The following GRM5 variants were observed in gnomAD, a reference collection of about 807,000 sequenced individuals.
GRM5 encodes the protein glutamate metabotropic receptor 5.
A neutral mutation model predicts 83.1 loss-of-function variants in GRM5; 19 were observed. The observed-to-expected ratio is 0.23, with a 90% CI of 0.16 to 0.34. The LOEUF is 0.34. GRM5 is among the 10% of genes least tolerant of loss of function. GRM5 has a pLI of 1.00. For synonymous variants in GRM5, 675 were observed against 633.6 expected (o/e 1.07, Z -0.98); for missense variants, 1,160 against 1,588.3 (o/e 0.73, Z 4.58).
At position 88,968,334 on chromosome 11, in the gene GRM5, C is replaced by A. The variant is rs1177879718; in HGVS notation, c.661+78878G>T. ...CGTGAAATGTACAGAATAGGCAAAT[C>A]TAGAGAGACAGAAAGTAGAATAGTG... On this transcript the variant is annotated intron_variant, in intron 2 of 9. Transcript: ENST00000305447. Among the ~76,000 whole-genome samples the A allele has an allele frequency of 2.0e-5, 3 of 152,016 alleles. No homozygotes were observed. In the East Asian group the frequency reaches 5.8e-4, roughly 29 times the overall value.
intron 1 of GRM5, 73 bp from the exon 2 acceptor site, chr11:89,048,145 T>C: frequency 2.8e-6 from 1 of 357,742 alleles, no homozygotes; most frequent in Non-Finnish European, 5.1e-6. Context: ...CTATAATCCA[T>C]GTTAGCAGAG....
intron 3 of GRM5, among the ~76,000 whole-genome samples, chr11:88,757,438 CTCACCCCCACCAATGCTGTGCT>C (rs1942417769): frequency 6.6e-6 from 1 of 152,140 alleles, no homozygotes; most frequent in African/African-American, 2.4e-5. Flanking sequence ...GCCTGCCAGC[CTCACCCCCACCAATGCTGTGCT>C]CCTGCAACAA....
intron 3 of GRM5, among the ~76,000 whole-genome samples, chr11:88,820,641 C>T (rs1943773059): frequency 6.6e-6 from 1 of 152,106 alleles, no homozygotes; most frequent in African/African-American, 2.4e-5. Context: ...ATGCAGAAAA[C>T]ATTTTTTAAT....
At chr11:88,837,184 T>C (rs1034595022) in intron 3 of GRM5, among the ~76,000 whole-genome samples, 2 of 152,182 alleles carry the variant, frequency 1.3e-5, no homozygotes, top group African/African-American at 4.8e-5. Context: ...ATCTTGAAAA[T>C]AGAGAAAAAC....
chr11:88,671,118 C>T lies in GRM5; in HGVS notation c.912-17715G>A, dbSNP rs558025268. Among the ~76,000 whole-genome samples, 222 of 151,804 alleles carry T rather than the reference C, an allele frequency of 1.5e-3. 2 individuals carry two copies. The South Asian group carries it at 0.023, about 16-fold the overall frequency. On this transcript the variant is annotated intron_variant, in intron 3 of 9. Transcript: ENST00000305447. ...ATCAGCTTAGTGGGTAAGGTCAGCA[C>T]GACCATAAACCAAAAATAACATCTC... is the stretch of plus-strand genomic sequence containing the variant.
chr11:88,732,182 G>A (rs1941821060), intron 3 of GRM5, among the ~76,000 whole-genome samples: 2 of 151,952 alleles, frequency 1.3e-5, no homozygotes, highest in African/African-American at 4.8e-5. Flanking sequence ...TTGTTGAAAT[G>A]TAGTCTCCTG....
At chr11:88,756,997 C>T (rs1182907900) in intron 3 of GRM5, among the ~76,000 whole-genome samples, 1 of 152,110 alleles carries the variant, frequency 6.6e-6, no homozygotes, top group South Asian at 2.1e-4. Flanking sequence ...TAAAATCAAA[C>T]TTTTTAAAGA....
intron 3 of GRM5, among the ~76,000 whole-genome samples, chr11:88,804,702 T>C (rs958786793): frequency 2.6e-5 from 4 of 151,560 alleles, no homozygotes; most frequent in African/African-American, 9.7e-5. Flanking sequence ...TAAAATAAAA[T>C]AAAAAAACAA....
intron 2 of GRM5, among the ~76,000 whole-genome samples, chr11:89,017,305 A>T (rs1276520278): frequency 6.6e-6 from 1 of 152,180 alleles, no homozygotes; most frequent in African/African-American, 2.4e-5. Context: ...TGTTAATACT[A>T]GTTTATGCCC....
Position 88,508,807 on chromosome 11 carries a change from C to G in GRM5, c.3424G>C (p.Glu1142Gln), listed in dbSNP as rs1941258228. The change falls in exon 10 of 10, where the codon GAG (glutamate) becomes CAG (glutamine). Residue 1142 changes from glutamate to glutamine, a missense_variant. Physicochemically the swap from Glu to Gln is conservative, Grantham distance 29. This residue lies in a region of GRM5 where 562 missense variants were observed against 532.4 expected (regional missense o/e 1.06). Transcript: ENST00000305447. This position sits in a 1 kb window ranked among gnomAD's most constrained non-coding sequence, Gnocchi z 4.2. Reference sequence around the variant, plus strand: ...GCCTCGGGACCGGCCGCGGGGCTCTCCCGGGCCGCGTCCCCAGCCGCCTGC... The same window carrying G: ...GCCTCGGGACCGGCCGCGGGGCTCTGCCGGGCCGCGTCCCCAGCCGCCTGC... The part of the protein sequence containing the change: ...GAQAAGDAAR[E>Q]SPAAGPEAAA... The G allele has an allele frequency of 2.0e-6, 3 of 1,521,326 alleles. No individual in the cohort carries two copies. Among genetic ancestry groups the G allele is most frequent in the Middle Eastern group, 1.7e-4 (1 of 5,848 alleles). 94.2% of individuals were successfully genotyped at this position (1,521,326 alleles called of 1,614,324 possible).
intron 8 of GRM5, among the ~76,000 whole-genome samples, chr11:88,530,691 A>G (rs774075974): frequency 7.2e-5 from 11 of 152,244 alleles, no homozygotes; most frequent in African/African-American, 1.2e-4. Context: ...TATATTGGCT[A>G]TGTGATTCAG....
At chr11:88,954,648 T>A (rs1216035075) in intron 2 of GRM5, among the ~76,000 whole-genome samples, 4 of 152,214 alleles carry the variant, frequency 2.6e-5, no homozygotes, top group African/African-American at 9.6e-5. Flanking sequence ...ACTGCATTTT[T>A]AATTTATTTA....
chr11:88,653,485 T>G, intron 3 of GRM5, 82 bp from the exon 4 acceptor site: 1 of 892,746 alleles, frequency 1.1e-6, no homozygotes. Context: ...TTTGACAAGA[T>G]TAGTCATTAA....
At chr11:88,584,779 G>A (rs1943281457) in intron 7 of GRM5, among the ~76,000 whole-genome samples, 1 of 152,078 alleles carries the variant, frequency 6.6e-6, no homozygotes, top group Admixed American at 6.5e-5. Context: ...AATATTCCTG[G>A]AGATAATCAC....
intron 1 of GRM5, among the ~76,000 whole-genome samples, chr11:89,064,267 C>T (rs1271532364): frequency 2.0e-5 from 3 of 152,160 alleles, no homozygotes; most frequent in Admixed American, 2.0e-4. Flanking sequence ...TTGTTCACAA[C>T]GTGCAGGTTT....
intron 3 of GRM5, among the ~76,000 whole-genome samples, chr11:88,791,356 A>G (rs997332665): frequency 6.6e-6 from 1 of 152,112 alleles, no homozygotes; most frequent in Non-Finnish European, 1.5e-5. Flanking sequence ...ATTTAGGAAA[A>G]CATAAGATGC....
At chr11:88,934,453 G>C (rs1937825144) in intron 2 of GRM5, among the ~76,000 whole-genome samples, 1 of 151,794 alleles carries the variant, frequency 6.6e-6, no homozygotes, top group African/African-American at 2.4e-5. Context: ...TTTGCACCAG[G>C]TGAGGGTTAA....
rs61389354 is a variant in GRM5, at chr11:88,967,248, CATATAT to C, written c.661+79958_661+79963del. On this transcript the variant is annotated intron_variant, in intron 2 of 9. Coordinates refer to ENST00000305447, the MANE Select transcript of GRM5 (RefSeq NM_001143831.3). ...GTGTGTATGTATATATATATATACACATATATATATATATATATATATATATATAAA... is the reference window on the plus strand; with the variant it reads ...GTGTGTATGTATATATATATATACACATATATATATATATATATATATAAA... 9.5e-3 allele frequency among the ~76,000 whole-genome samples: 1,346 copies of C among 141,648 alleles called. 19 individuals carry two copies. The highest frequency in any genetic ancestry group is 0.034 in the East Asian group (166 of 4,912). 92.9% of individuals were successfully genotyped at this position (141,648 alleles called of 152,430 possible).
chr11:88,513,788 A>C (rs1020831754), intron 9 of GRM5, among the ~76,000 whole-genome samples: 3 of 152,198 alleles, frequency 2.0e-5, no homozygotes, highest in African/African-American at 7.2e-5. Flanking sequence ...CCCACCTTGC[A>C]TGATGTCTGG....
Sources: allele counts gnomAD v4.1 joint callset (sites outside exome capture counted in the v4.1 genomes callset), GRCh38; gene constraint gnomAD v4.1.1; regional missense constraint gnomAD v4.1.1; non-coding constraint Gnocchi (gnomAD v3.1); transcripts MANE v1.5; gene names NCBI Gene and HGNC (gene_info 2026-07-23, HGNC 2026-07-21).